The following TMEFF1 variants were observed in gnomAD, a reference collection of about 807,000 sequenced individuals.
The protein encoded by TMEFF1 is tomoregulin-1.
Under a neutral mutation model 47.5 loss-of-function variants are expected in TMEFF1, and 20 were observed. That is an observed-to-expected ratio of 0.42 (90% confidence interval 0.30 to 0.61). The LOEUF is 0.61. Ranked by LOEUF, TMEFF1 falls within the 20% of genes least tolerant of loss-of-function variation. TMEFF1 has a pLI of 0.19. For synonymous variants in TMEFF1, 162 were observed against 166.3 expected, an observed-to-expected ratio of 0.97 and a Z score of 0.20; for missense variants, 411 against 471.1, an observed-to-expected ratio of 0.87 and a Z score of 1.18.
Position 100,473,601 on chromosome 9 carries a change from C to G in TMEFF1, c.57C>G (p.Ala19=). 6.4e-7 allele frequency: 1 copy of G among 1,557,052 alleles called. No homozygotes were observed. The highest frequency in any genetic ancestry group is 8.7e-7 in the Non-Finnish European group (1 of 1,152,554). Residue 19 remains alanine (A), a synonymous_variant, in exon 1 of 10, where the codon GCC becomes GCG. Coordinates refer to ENST00000374879, the MANE Select transcript of TMEFF1 (RefSeq NM_003692.5). The surrounding 1 kb of genome is among the most constrained non-coding windows in gnomAD (Gnocchi z 5.4). The part of the protein sequence containing the change: ...PLRLPAAPPL[A]FCCYTSVLLL... ...GGCTGCCTGCCGCGCCTCCGCTCGC[C>G]TTCTGCTGCTACACGTCGGTGCTTC...
chr9:100,501,254 G>C (rs1242009633), intron 2 of TMEFF1, among the ~76,000 whole-genome samples: 1 of 152,192 alleles, frequency 6.6e-6, no homozygotes, highest in Non-Finnish European at 1.5e-5. Flanking sequence ...CTCATGTGCA[G>C]ATTAACATTA....
At chr9:100,508,031 C>T (rs1837892664) in intron 2 of TMEFF1, among the ~76,000 whole-genome samples, 1 of 151,994 alleles carries the variant, frequency 6.6e-6, no homozygotes, top group Non-Finnish European at 1.5e-5. Context: ...TTTTAATAGC[C>T]AATTTTATAA....
At chr9:100,561,886 T>TA (rs1839023326) in intron 8 of TMEFF1, among the ~76,000 whole-genome samples, 2 of 152,168 alleles carry the variant, frequency 1.3e-5, no homozygotes, top group Non-Finnish European at 2.9e-5. Context: ...AAATATGTGC[T>TA]AAAATAGATT....
At chr9:100,528,493 G>A (rs1377897036) in intron 5 of TMEFF1, among the ~76,000 whole-genome samples, 18 of 146,228 alleles carry the variant, frequency 1.2e-4, no homozygotes, top group Non-Finnish European at 1.8e-4. Context: ...GGGTATCAGC[G>A]ATGGAAGATG....
rs577822259 is a variant in TMEFF1, at chr9:100,553,662, T to C, written c.775+3502T>C. 1.2e-4 allele frequency among the ~76,000 whole-genome samples: 18 copies of C among 152,292 alleles called. No homozygotes were observed. The East Asian group carries it at 1.7e-3, about 15-fold the overall frequency. ...GTAGATGTTGAAGTCATAAAGGATA[T>C]GATTGAGCATGAGTTGTATGGGAGA... On this transcript the variant is annotated intron_variant, in intron 7 of 9. Coordinates refer to ENST00000374879, the MANE Select transcript of TMEFF1 (RefSeq NM_003692.5).
At chr9:100,480,582 A>G (rs1466266733) in intron 1 of TMEFF1, among the ~76,000 whole-genome samples, 1 of 152,192 alleles carries the variant, frequency 6.6e-6, no homozygotes, top group Non-Finnish European at 1.5e-5. Context: ...AAACACTGCA[A>G]GTATTTTTAA....
chr9:100,516,745 G>C lies in TMEFF1; in HGVS notation c.534G>C (p.Glu178Asp). The change falls in exon 5 of 10, where the codon GAG becomes GAC. Residue 178 changes from glutamate to aspartate, a missense_variant. Transcript: ENST00000374879. ...GTGGACCCTGCAAATATAAAGCTGA[G>C]TGTGATGAAGATGCAGAAAATGTTG... is the stretch of plus-strand genomic sequence containing the variant. The part of the protein sequence containing the change: ...SKCGPCKYKA[E>D]CDEDAENVGC... 6.2e-7 allele frequency: 1 copy of C among 1,613,574 alleles called. No individual in the cohort carries two copies. The highest frequency in any genetic ancestry group is 1.1e-5 in the South Asian group (1 of 90,928).
intron 1 of TMEFF1, among the ~76,000 whole-genome samples, chr9:100,478,200 T>C (rs1388902392): frequency 6.6e-6 from 1 of 152,258 alleles, no homozygotes; most frequent in Admixed American, 6.5e-5. Context: ...AGCTTGAAGA[T>C]CATGCTTCTT....
chr9:100,523,774 C>T (rs1838208723), intron 5 of TMEFF1, among the ~76,000 whole-genome samples: 1 of 152,094 alleles, frequency 6.6e-6, no homozygotes, highest in African/African-American at 2.4e-5. Flanking sequence ...TAATACCATT[C>T]AGATGTGCAC....
chr9:100,525,493 T>G (rs375681479), intron 5 of TMEFF1, among the ~76,000 whole-genome samples: 294 of 152,172 alleles, frequency 1.9e-3, no homozygotes, highest in Non-Finnish European at 3.3e-3. Flanking sequence ...GGGTCCTGAG[T>G]GCAGGAGCGT....
rs927499130 is a variant in TMEFF1 at position 100,487,587 on chromosome 9, T to A, written c.197-11178T>A. On this transcript the variant is annotated intron_variant, in intron 1 of 9. Coordinates refer to ENST00000374879, the MANE Select transcript of TMEFF1 (RefSeq NM_003692.5). Reference sequence around the variant, plus strand: ...ATTCCCATTTATTTAGACCTAGTTTTAAAAAAATTATTCAATGTTTTACAA... The same window carrying A: ...ATTCCCATTTATTTAGACCTAGTTTAAAAAAAATTATTCAATGTTTTACAA... Among the ~76,000 whole-genome samples the A allele has an allele frequency of 2.2e-4, 34 of 152,176 alleles. 1 individual carries two copies. The highest frequency in any genetic ancestry group is 1.8e-3 in the Admixed American group (27 of 15,274).
Position 100,577,338 on chromosome 9 carries a change from A to G in TMEFF1, c.*738A>G, listed in dbSNP as rs1365169508. On this transcript the variant is annotated 3_prime_UTR_variant, in exon 10 of 10. Coordinates refer to ENST00000374879, the MANE Select transcript of TMEFF1 (RefSeq NM_003692.5). ...GAAAATGTTTGTTTTAACATAAATA[A>G]ACAAATCGTATCAGTGTTTGTGAAT... 3 of 152,618 alleles carry G rather than the reference A, an allele frequency of 2.0e-5. No homozygotes were observed. The allele number at this position is 152,618 out of a possible 1,614,324, so 9.5% of individuals were successfully genotyped here.
At chr9:100,478,200 T>A (rs1388902392) in intron 1 of TMEFF1, among the ~76,000 whole-genome samples, 1 of 152,258 alleles carries the variant, frequency 6.6e-6, no homozygotes, top group Non-Finnish European at 1.5e-5. Flanking sequence ...AGCTTGAAGA[T>A]CATGCTTCTT....
At chr9:100,555,521 A>G (rs543486313) in intron 7 of TMEFF1, among the ~76,000 whole-genome samples, 100 of 152,304 alleles carry the variant, frequency 6.6e-4, no homozygotes, top group African/African-American at 2.3e-3. Context: ...CTCTGGAGTC[A>G]GACTTGGTCT....
chr9:100,553,097 A>T (rs1838855521), intron 7 of TMEFF1, among the ~76,000 whole-genome samples: 1 of 152,130 alleles, frequency 6.6e-6, no homozygotes, highest in Admixed American at 6.5e-5. Flanking sequence ...AAGGATGGCC[A>T]ATAGCTTAAA....
intron 4 of TMEFF1, among the ~76,000 whole-genome samples, chr9:100,515,407 G>A (rs540204760): frequency 6.6e-6 from 1 of 152,202 alleles, no homozygotes; most frequent in Middle Eastern, 3.4e-3. Flanking sequence ...TTAAGGACAG[G>A]CAGACACCAA....
rs952192977 is a variant in TMEFF1, at chr9:100,516,333, C to A, written c.464-342C>A. 5.3e-5 allele frequency among the ~76,000 whole-genome samples: 8 copies of A among 152,240 alleles called. No homozygotes were observed. The East Asian group carries it at 1.5e-3, about 29-fold the overall frequency. ...TTGCAACAGGAGGGTAATCACAGGA[C>A]TTAAATGTATTGCTCCTGTCTCTTT... On this transcript the variant is annotated intron_variant, in intron 4 of 9. Coordinates refer to ENST00000374879, the MANE Select transcript of TMEFF1 (RefSeq NM_003692.5).
At chr9:100,568,755 G>A (rs931225084) in intron 8 of TMEFF1, among the ~76,000 whole-genome samples, 11 of 152,006 alleles carry the variant, frequency 7.2e-5, no homozygotes, top group Non-Finnish European at 1.3e-4. Flanking sequence ...CTAGGCATCC[G>A]CTAATTTATT....
At chr9:100,575,943 TC>T (rs1197874094) in intron 9 of TMEFF1, among the ~76,000 whole-genome samples, 35 of 152,228 alleles carry the variant, frequency 2.3e-4, no homozygotes, top group South Asian at 8.3e-4. Flanking sequence ...GTGTGGCAGT[TC>T]CTTATGGGCT....
Sources: gnomAD v4.1 joint callset for allele counts (sites outside exome capture counted in the v4.1 genomes callset) on GRCh38, gnomAD v4.1.1 for gene constraint, Gnocchi (gnomAD v3.1) non-coding constraint, MANE v1.5 for transcripts, NCBI Gene and HGNC (gene_info 2026-07-23, HGNC 2026-07-21) for gene names.